LCLAT1: variants seen among roughly 807,000 people sequenced by gnomAD.
The protein encoded by LCLAT1 is lysocardiolipin acyltransferase 1, also known as 1-AGP acyltransferase 8.
Under a neutral mutation model 30.7 loss-of-function variants are expected in LCLAT1, and 11 were observed. That is an observed-to-expected ratio of 0.36 (90% CI 0.23 to 0.59). The LOEUF is 0.59. LCLAT1 is among the 20% of genes least tolerant of loss of function. The pLI is 0.77. For missense variants in LCLAT1, 402 were observed against 458.6 expected, an observed-to-expected ratio of 0.88 and a Z score of 1.13; for synonymous variants, 155 against 151.3, an observed-to-expected ratio of 1.02 and a Z score of -0.18.
intron 3 of LCLAT1, among the ~76,000 whole-genome samples, chr2:30,558,809 A>G (rs1043412073): frequency 6.6e-6 from 1 of 152,162 alleles, no homozygotes; most frequent in Admixed American, 6.5e-5. Context: ...TATCTACTGA[A>G]GCTGAACAGA....
intron 1 of LCLAT1, among the ~76,000 whole-genome samples, chr2:30,503,544 A>G (rs577616011): frequency 1.1e-3 from 175 of 152,336 alleles, no homozygotes; most frequent in African/African-American, 4.2e-3. Flanking sequence ...GATTTCACAT[A>G]ATAGAGTTCC....
intron 5 of LCLAT1, among the ~76,000 whole-genome samples, chr2:30,613,268 G>A (rs577534444): frequency 2.0e-5 from 3 of 152,226 alleles, no homozygotes; most frequent in South Asian, 2.1e-4. Context: ...TGAAGGGGGA[G>A]GGGTTATAAG....
intron 5 of LCLAT1, among the ~76,000 whole-genome samples, chr2:30,604,642 CAG>C (rs1266091511): frequency 8.2e-6 from 1 of 121,372 alleles, no homozygotes; most frequent in Non-Finnish European, 1.6e-5. Context: ...AGCTTGGCGA[CAG>C]AGTGAGACTC....
chr2:30,602,746 T>TTAGGTGTAAAGTG (rs1329021299), intron 5 of LCLAT1, among the ~76,000 whole-genome samples: 1 of 152,116 alleles, frequency 6.6e-6, no homozygotes, highest in East Asian at 1.9e-4. Flanking sequence ...GGTGTAAAGT[T>TTAGGTGTAAAGTG]TAAGCATCAT....
intron 1 of LCLAT1, among the ~76,000 whole-genome samples, chr2:30,521,732 C>T (rs1434629479): frequency 6.6e-6 from 1 of 151,778 alleles, no homozygotes; most frequent in African/African-American, 2.4e-5. Context: ...GTCTCGATCT[C>T]CTGACCTCGT....
chr2:30,636,686 T>G (rs1359680221), intron 5 of LCLAT1, among the ~76,000 whole-genome samples: 1 of 151,998 alleles, frequency 6.6e-6, no homozygotes, highest in Non-Finnish European at 1.5e-5. Context: ...ACACACATGG[T>G]ACACACACAC....
At chr2:30,540,641 A>G (rs1664088125) in intron 3 of LCLAT1, among the ~76,000 whole-genome samples, 1 of 151,792 alleles carries the variant, frequency 6.6e-6, no homozygotes, top group Admixed American at 6.6e-5. Context: ...ATGTAGGTTT[A>G]TATTTATTTT....
intron 3 of LCLAT1, among the ~76,000 whole-genome samples, chr2:30,551,772 G>A (rs1247219575): frequency 6.6e-6 from 1 of 152,116 alleles, no homozygotes; most frequent in Admixed American, 6.5e-5. Flanking sequence ...TTGGCTGGTT[G>A]AGTCCTTCTC....
chr2:30,520,452 A>G (rs1168363331), intron 1 of LCLAT1, among the ~76,000 whole-genome samples: 1 of 152,194 alleles, frequency 6.6e-6, no homozygotes, highest in Non-Finnish European at 1.5e-5. Flanking sequence ...GCGTAGTGTA[A>G]CATTTCAGAC....
chr2:30,569,426 C>A lies in LCLAT1; in HGVS notation c.628+1250C>A, dbSNP rs76862725. On this transcript the variant is annotated intron_variant, in intron 5 of 5. Transcript: ENST00000379509. ...GTGTTAATTTTATAACAGTTCAAAG[C>A]CCACAGTCAACTAACAGAAGTGTGT... Among the ~76,000 whole-genome samples, 409 of 152,250 alleles carry A rather than the reference C, an allele frequency of 2.7e-3. 2 individuals carry two copies. The highest frequency in any genetic ancestry group is 9.3e-3 in the African/African-American group (387 of 41,552).
intron 1 of LCLAT1, among the ~76,000 whole-genome samples, chr2:30,477,922 T>C (rs925071611): frequency 6.6e-6 from 1 of 152,190 alleles, no homozygotes; most frequent in Non-Finnish European, 1.5e-5. Flanking sequence ...CTTCTGTTTT[T>C]CTAATTTCTC....
At chr2:30,638,595 G>A (rs534910217) in intron 5 of LCLAT1, among the ~76,000 whole-genome samples, 1 of 152,340 alleles carries the variant, frequency 6.6e-6, no homozygotes, top group East Asian at 1.9e-4. Context: ...GCAGCAACAA[G>A]CCGTGTGCCC....
intron 1 of LCLAT1, among the ~76,000 whole-genome samples, chr2:30,485,432 G>C (rs972351311): frequency 1.3e-5 from 2 of 152,034 alleles, no homozygotes; most frequent in African/African-American, 4.8e-5. Context: ...TGCCATTAGT[G>C]GTGTGTAAGG....
At chr2:30,528,769 T>G (rs1242580578) in intron 2 of LCLAT1, among the ~76,000 whole-genome samples, 1 of 152,214 alleles carries the variant, frequency 6.6e-6, no homozygotes, top group Non-Finnish European at 1.5e-5. Flanking sequence ...AGTAAAAAAT[T>G]AGTATACATT....
intron 1 of LCLAT1, among the ~76,000 whole-genome samples, chr2:30,487,218 G>GC (rs1683600530): frequency 1.3e-5 from 2 of 152,186 alleles, no homozygotes; most frequent in Non-Finnish European, 2.9e-5. Context: ...AAGGCACTCA[G>GC]TAAAGACTTG....
intron 5 of LCLAT1, among the ~76,000 whole-genome samples, chr2:30,619,554 A>G (rs185864421): frequency 1.2e-4 from 18 of 152,372 alleles, no homozygotes; most frequent in African/African-American, 4.3e-4. Context: ...TATTTTTAAA[A>G]GAATTTCTGG....
chr2:30,510,916 A>G (rs1460431003), intron 1 of LCLAT1, among the ~76,000 whole-genome samples: 2 of 151,860 alleles, frequency 1.3e-5, no homozygotes, highest in African/African-American at 4.8e-5. Context: ...TTATTTTCCC[A>G]CAAGAACATG....
At chr2:30,535,549 A>C (rs1251285275) in intron 3 of LCLAT1, among the ~76,000 whole-genome samples, 1 of 152,230 alleles carries the variant, frequency 6.6e-6, no homozygotes, top group Non-Finnish European at 1.5e-5. Flanking sequence ...GACACCAATG[A>C]TGTTGATAAA....
chr2:30,510,069 G>A (rs945224536), intron 1 of LCLAT1, among the ~76,000 whole-genome samples: 2 of 152,294 alleles, frequency 1.3e-5, no homozygotes, highest in East Asian at 3.9e-4. Flanking sequence ...ACAACTTTCA[G>A]AGAGTCTTCC....
Sources: allele counts gnomAD v4.1 joint callset (sites outside exome capture counted in the v4.1 genomes callset), GRCh38; gene constraint gnomAD v4.1.1; transcripts MANE v1.5; gene names NCBI Gene and HGNC (gene_info 2026-07-23, HGNC 2026-07-21).